Variants in FMN1 observed in about 807,000 individuals in gnomAD.
FMN1 encodes the protein formin-1.
FMN1 carries 110 observed loss-of-function variants against 132.4 expected under a neutral mutation model. The ratio of observed to expected loss-of-function variants is 0.83; its 90% confidence interval spans 0.71 to 0.97. The LOEUF (loss-of-function observed/expected upper bound fraction) is 0.97, where lower values mean the gene tolerates loss of function less well. FMN1 is among the 50% of genes least tolerant of loss of function. FMN1 has a pLI of 0.00. For missense variants in FMN1, 1,792 were observed against 1,705.3 expected (o/e 1.05, Z -0.90); for synonymous variants, 722 against 651.7 (o/e 1.11, Z -1.64).
intron 16 of FMN1, among the ~76,000 whole-genome samples, chr15:32,862,788 C>T (rs911012125): frequency 1.3e-5 from 2 of 152,132 alleles, no homozygotes; most frequent in African/African-American, 2.4e-5. Flanking sequence ...AGCTGAAGGA[C>T]CTGTGGGCTT....
chr15:32,781,823 A>G (rs187128958), intron 19 of FMN1, among the ~76,000 whole-genome samples: 1 of 152,324 alleles, frequency 6.6e-6, no homozygotes, highest in Admixed American at 6.5e-5. Context: ...TTGTTGCTAT[A>G]AAAATTAAAG....
At chr15:33,164,387 A>C (rs1004391542) in intron 3 of FMN1, among the ~76,000 whole-genome samples, 1 of 152,178 alleles carries the variant, frequency 6.6e-6, no homozygotes, top group African/African-American at 2.4e-5. Flanking sequence ...TAGAGGACAA[A>C]TTTCAGCCAA....
chr15:33,012,567 A>C (rs28548712), intron 6 of FMN1: 185,023 of 1,443,932 alleles, frequency 0.13, 12,840 homozygotes, highest in Middle Eastern at 0.16. Context: ...TTGCCTTTGT[A>C]ACCTTTGACA....
intron 6 of FMN1, among the ~76,000 whole-genome samples, chr15:33,022,775 C>G (rs1490842866): frequency 6.6e-6 from 1 of 151,972 alleles, no homozygotes; most frequent in Non-Finnish European, 1.5e-5. Context: ...ACTGACAGCA[C>G]TAACGTGGGG....
chr15:33,126,130 G>A (rs541369983), intron 4 of FMN1, among the ~76,000 whole-genome samples: 3 of 152,250 alleles, frequency 2.0e-5, no homozygotes, highest in East Asian at 3.9e-4. Context: ...GGCTGCCACA[G>A]CTGCTGACTA....
At chr15:33,044,665 C>T (rs2036595090) in intron 6 of FMN1, among the ~76,000 whole-genome samples, 1 of 152,276 alleles carries the variant, frequency 6.6e-6, no homozygotes, top group East Asian at 1.9e-4. Context: ...AGGAGCTACC[C>T]ACCCCAGGGT....
At chr15:32,899,784 T>TG (rs979583803) in intron 14 of FMN1, 195 bp downstream of exon 14, 7 of 524,786 alleles carry the variant, frequency 1.3e-5, no homozygotes, top group Admixed American at 3.6e-5. Context: ...AAGTCTAACG[T>TG]GAAAAAAAAA....
At chr15:33,082,278 G>C (rs1473390797) in intron 5 of FMN1, among the ~76,000 whole-genome samples, 3 of 151,950 alleles carry the variant, frequency 2.0e-5, no homozygotes. Flanking sequence ...TCATCATGTT[G>C]GTCAGGCTGG....
intron 20 of FMN1, among the ~76,000 whole-genome samples, chr15:32,774,909 C>T (rs1595884208): frequency 2.0e-5 from 3 of 152,140 alleles, no homozygotes; most frequent in Admixed American, 2.0e-4. Context: ...AGACTGCCTT[C>T]TAAAGGGAAG....
chr15:33,158,541 A>G (rs1964768029), intron 3 of FMN1, among the ~76,000 whole-genome samples: 1 of 152,204 alleles, frequency 6.6e-6, no homozygotes, highest in Non-Finnish European at 1.5e-5. Context: ...CCGGAACCAA[A>G]GAGGAGCAGA....
chr15:33,140,235 C>G (rs1483123129), intron 4 of FMN1, among the ~76,000 whole-genome samples: 1 of 147,668 alleles, frequency 6.8e-6, no homozygotes, highest in Admixed American at 6.8e-5. Flanking sequence ...CACACACACA[C>G]AGCTTATCCG....
At chr15:33,140,033 A>T (rs896158700) in intron 4 of FMN1, among the ~76,000 whole-genome samples, 28 of 152,244 alleles carry the variant, frequency 1.8e-4, no homozygotes, top group Admixed American at 1.6e-3. Flanking sequence ...ATATTAACAT[A>T]TTTTCTCTCT....
At chr15:33,177,315 A>G (rs942446455) in intron 3 of FMN1, among the ~76,000 whole-genome samples, 2 of 152,188 alleles carry the variant, frequency 1.3e-5, no homozygotes, top group Admixed American at 1.3e-4. Flanking sequence ...GTCATAGAAT[A>G]TGGAGCACTC....
intron 17 of FMN1, among the ~76,000 whole-genome samples, chr15:32,806,177 T>C (rs1206606829): frequency 6.6e-6 from 1 of 152,188 alleles, no homozygotes; most frequent in East Asian, 1.9e-4. Flanking sequence ...TACAATGATG[T>C]AAAATGAACG....
intron 7 of FMN1, among the ~76,000 whole-genome samples, chr15:32,981,519 A>T (rs893799897): frequency 2.6e-5 from 3 of 115,890 alleles, no homozygotes; most frequent in East Asian, 4.2e-4. Flanking sequence ...CTCCATCTCA[A>T]ATAATAATAA....
At chr15:33,110,257 T>A (rs956107382) in intron 4 of FMN1, among the ~76,000 whole-genome samples, 1 of 152,004 alleles carries the variant, frequency 6.6e-6, no homozygotes, top group African/African-American at 2.4e-5. Context: ...AAATAATACA[T>A]AGATGGTCTA....
At chr15:32,965,099 C>A (rs2031071432) in intron 8 of FMN1, among the ~76,000 whole-genome samples, 1 of 152,140 alleles carries the variant, frequency 6.6e-6, no homozygotes, top group South Asian at 2.1e-4. Flanking sequence ...TAATTTCAAA[C>A]ACTATTAATG....
At chr15:33,007,638 A>C (rs1190084724) in intron 7 of FMN1, among the ~76,000 whole-genome samples, 1 of 152,192 alleles carries the variant, frequency 6.6e-6, no homozygotes. Flanking sequence ...GCTAAGAAAC[A>C]TACAGACATG....
At chr15:32,886,260 T>C (rs886205550) in intron 16 of FMN1, among the ~76,000 whole-genome samples, 2 of 152,046 alleles carry the variant, frequency 1.3e-5, no homozygotes, top group Admixed American at 6.5e-5. Context: ...GTGTGTGAGG[T>C]GGGGGGAGTC....
Sources: allele counts gnomAD v4.1 joint callset (sites outside exome capture counted in the v4.1 genomes callset), GRCh38; gene constraint gnomAD v4.1.1; transcripts MANE v1.5; gene names NCBI Gene and HGNC (gene_info 2026-07-23, HGNC 2026-07-21).